The following AGBL1 variants were observed in gnomAD, a reference collection of about 807,000 sequenced individuals.
The protein encoded by AGBL1 is cytosolic carboxypeptidase 4.
Under a neutral mutation model 118.9 loss-of-function variants are expected in AGBL1, and 130 were observed. The observed-to-expected ratio is 1.09, with a 90% CI of 0.95 to 1.26. The LOEUF is 1.26. Among genes scored for constraint, AGBL1 ranks in the 50% most tolerant of loss-of-function variants. The probability of loss-of-function intolerance (pLI) is 0.00; values close to 1 mark genes in which losing one functional copy is unlikely to be tolerated. For missense variants in AGBL1, 1,584 were observed against 1,298.1 expected (o/e 1.22, Z -3.38); for synonymous variants, 555 against 478.9 (o/e 1.16, Z -2.08).
intron 21 of AGBL1, among the ~76,000 whole-genome samples, chr15:86,612,855 A>C (rs1328292623): frequency 6.6e-6 from 1 of 152,178 alleles, no homozygotes; most frequent in Admixed American, 6.5e-5. Context: ...TGGCTTCTGC[A>C]ATATCCCTCT....
intron 21 of AGBL1, among the ~76,000 whole-genome samples, chr15:86,582,157 T>C (rs1222679800): frequency 6.6e-6 from 1 of 152,162 alleles, no homozygotes; most frequent in East Asian, 1.9e-4. Context: ...TGTCCCCTTG[T>C]AGATCAAAAT....
At chr15:86,515,348 G>C (rs1026502332) in intron 18 of AGBL1, among the ~76,000 whole-genome samples, 1 of 151,880 alleles carries the variant, frequency 6.6e-6, no homozygotes, top group African/African-American at 2.4e-5. Context: ...AGAATTCCTG[G>C]CTTTAGGAAT....
intron 23 of AGBL1, among the ~76,000 whole-genome samples, chr15:86,986,808 C>T (rs1294497111): frequency 1.3e-5 from 2 of 152,104 alleles, no homozygotes; most frequent in African/African-American, 2.4e-5. Context: ...TGATTTCACT[C>T]GCGTCCATGT....
At chr15:86,671,988 A>G (rs1190106848) in intron 21 of AGBL1, among the ~76,000 whole-genome samples, 1 of 152,146 alleles carries the variant, frequency 6.6e-6, no homozygotes, top group Non-Finnish European at 1.5e-5. Flanking sequence ...AAACAAATAT[A>G]TTTAGCCCAG....
At chr15:86,368,218 G>A (rs1305546219) in intron 17 of AGBL1, among the ~76,000 whole-genome samples, 2 of 151,944 alleles carry the variant, frequency 1.3e-5, no homozygotes, top group Non-Finnish European at 1.5e-5. Flanking sequence ...CTGGACTGGG[G>A]GTCTGAAGGT....
intron 18 of AGBL1, among the ~76,000 whole-genome samples, chr15:86,445,144 T>C (rs1002596416): frequency 6.6e-6 from 1 of 152,034 alleles, no homozygotes; most frequent in Admixed American, 6.6e-5. Context: ...CAGACAGGGG[T>C]CAAGAACAAT....
chr15:86,364,166 C>T (rs994654254), intron 17 of AGBL1, among the ~76,000 whole-genome samples: 5 of 152,094 alleles, frequency 3.3e-5, no homozygotes, highest in African/African-American at 7.2e-5. Context: ...CTTAGCTTCC[C>T]TTACTGAAAA....
chr15:86,504,468 T>A (rs1478648693), intron 18 of AGBL1, among the ~76,000 whole-genome samples: 1 of 151,674 alleles, frequency 6.6e-6, no homozygotes, highest in Non-Finnish European at 1.5e-5. Flanking sequence ...TTTTCCATAT[T>A]TCTATGTGTT....
chr15:86,986,194 G>T (rs1260650141), intron 23 of AGBL1, among the ~76,000 whole-genome samples: 1 of 152,186 alleles, frequency 6.6e-6, no homozygotes, highest in Non-Finnish European at 1.5e-5. Context: ...AAAGTGCTAG[G>T]ATTACAGGCG....
intron 5 of AGBL1, among the ~76,000 whole-genome samples, chr15:86,200,631 TTTGAGATGGAGTCTCGCTC>T (rs1156585632): frequency 6.6e-6 from 1 of 151,132 alleles, no homozygotes; most frequent in Non-Finnish European, 1.5e-5. Flanking sequence ...TCTTTTTTTT[TTTGAGATGGAGTCTCGCTC>T]TTGTCACCCA....
chr15:86,520,500 G>A (rs1356599241), intron 18 of AGBL1, among the ~76,000 whole-genome samples: 2 of 152,090 alleles, frequency 1.3e-5, no homozygotes, highest in East Asian at 3.9e-4. Context: ...TGGAAATTGT[G>A]ATCTAAAATA....
At chr15:86,943,461 G>A (rs879087197) in intron 23 of AGBL1, among the ~76,000 whole-genome samples, 1 of 152,152 alleles carries the variant, frequency 6.6e-6, no homozygotes, top group Admixed American at 6.5e-5. Context: ...CTGGTTCTGT[G>A]ACAAAATACA....
intron 22 of AGBL1, among the ~76,000 whole-genome samples, chr15:86,727,159 A>G (rs560913409): frequency 5.3e-5 from 8 of 152,318 alleles, no homozygotes; most frequent in Non-Finnish European, 1.2e-4. Flanking sequence ...AACCTGTGAC[A>G]TGATGGCCAA....
chr15:86,422,686 A>G (rs1043154512), intron 18 of AGBL1, among the ~76,000 whole-genome samples: 3 of 152,170 alleles, frequency 2.0e-5, no homozygotes, highest in African/African-American at 4.8e-5. Flanking sequence ...AACAAAATAG[A>G]TAGACCACTA....
intron 21 of AGBL1, among the ~76,000 whole-genome samples, chr15:86,628,721 G>A (rs1002673811): frequency 3.7e-4 from 57 of 152,156 alleles, no homozygotes; most frequent in South Asian, 2.1e-4. Context: ...GCATGAACCC[G>A]GGAGGCGGAG....
intron 22 of AGBL1, among the ~76,000 whole-genome samples, chr15:86,782,076 T>C (rs1288897163): frequency 6.6e-6 from 1 of 152,086 alleles, no homozygotes; most frequent in African/African-American, 2.4e-5. Flanking sequence ...AAAGTCACAA[T>C]CTCAAAACGC....
In AGBL1 at chr15:86,295,278, G is replaced by C; in HGVS notation, c.2244G>C (p.Lys748Asn). The C allele has an allele frequency of 6.2e-7, 1 of 1,613,678 alleles. No homozygotes were observed. The highest frequency in any genetic ancestry group is 1.1e-5 in the South Asian group (1 of 91,070). ...AGACTCATCTTGACATCCTGGAAAA[G>C]AGTGTCAACCTCAAAGAGGTCTACT... ...ALMTHLDILE[K>N]SVNLKEVYFR... The change falls in exon 17 of 23, where the codon AAG (lysine) becomes AAC (asparagine). Residue 748 changes from lysine to asparagine, a missense_variant. Physicochemically the swap from Lys to Asn is moderately conservative, Grantham distance 94 (BLOSUM62 0). Transcript: ENST00000614907.
intron 1 of AGBL1, among the ~76,000 whole-genome samples, chr15:86,102,398 G>C (rs1279027532): frequency 6.6e-6 from 1 of 152,072 alleles, no homozygotes; most frequent in East Asian, 1.9e-4. Context: ...ACTTTCACAT[G>C]TTTTCATGAT....
intron 23 of AGBL1, among the ~76,000 whole-genome samples, chr15:86,941,107 G>A (rs2080746235): frequency 6.6e-6 from 1 of 152,196 alleles, no homozygotes; most frequent in East Asian, 1.9e-4. Flanking sequence ...GTGATATGAA[G>A]TAAAAAACAT....
Sources: gnomAD v4.1 joint callset for allele counts (sites outside exome capture counted in the v4.1 genomes callset) on GRCh38, gnomAD v4.1.1 for gene constraint, MANE v1.5 for transcripts, NCBI Gene and HGNC (gene_info 2026-07-23, HGNC 2026-07-21) for gene names.